The following RAB13 variants were observed in gnomAD, a reference collection of about 807,000 sequenced individuals.
RAB13 encodes the protein ras-related protein Rab-13.
In RAB13, 15 loss-of-function variants were observed where a neutral mutation model predicts 29.3. The observed-to-expected ratio is 0.51, with a 90% CI of 0.34 to 0.79. The LOEUF (loss-of-function observed/expected upper bound fraction) is 0.79, where lower values mean the gene tolerates loss of function less well. Ranked by LOEUF, RAB13 falls within the 30% of genes least tolerant of loss-of-function variation. The probability of loss-of-function intolerance (pLI) is 0.01; values close to 1 mark genes in which losing one functional copy is unlikely to be tolerated. For synonymous variants in RAB13, 82 were observed against 93.8 expected, an observed-to-expected ratio of 0.87 and a Z score of 0.73; for missense variants, 186 against 255.5, an observed-to-expected ratio of 0.73 and a Z score of 1.85.
At chr1:153,986,092 G>A (rs745538502) in intron 1 of RAB13, 21 bp downstream of exon 1, 1 of 1,612,770 alleles carries the variant, frequency 6.2e-7, no homozygotes, top group Admixed American at 1.7e-5. Flanking sequence ...TCGGGGTCTG[G>A]GACATGGCCA....
upstream of RAB13, among the ~76,000 whole-genome samples, chr1:153,988,658 G>A (rs1252422721): frequency 6.7e-6 from 1 of 149,230 alleles, no homozygotes; most frequent in Non-Finnish European, 1.5e-5. Context: ...TTGTTGCGTA[G>A]GCTGGGGTGC....
upstream of RAB13, among the ~76,000 whole-genome samples, chr1:153,990,589 A>G (rs537689246): frequency 6.6e-6 from 1 of 152,328 alleles, no homozygotes; most frequent in South Asian, 2.1e-4. Flanking sequence ...CCCTCTCAAC[A>G]TGGTGACGCA....
Position 153,981,866 on chromosome 1 carries a change from C to T in RAB13, c.*233G>A, listed in dbSNP as rs1385859323. On this transcript the variant is annotated 3_prime_UTR_variant, in exon 8 of 8. Transcript: ENST00000368575. Reference sequence around the variant, plus strand: ...CTCTCCTTCCTTTCCTCCTCCCTCTCTTCCTACCTCCTTGCCTTCTTTCAC... The same window carrying T: ...CTCTCCTTCCTTTCCTCCTCCCTCTTTTCCTACCTCCTTGCCTTCTTTCAC... 2 of 582,114 alleles carry T rather than the reference C, an allele frequency of 3.4e-6. No individual in the cohort carries two copies. The highest frequency in any genetic ancestry group is 3.7e-5 in the African/African-American group (2 of 53,532). The allele number at this position is 582,114 out of a possible 1,614,324, so 36.1% of individuals were successfully genotyped here.
At chr1:153,989,411 G>A (rs1365779471), upstream of RAB13, among the ~76,000 whole-genome samples, 4 of 150,256 alleles carry the variant, frequency 2.7e-5, no homozygotes, top group Non-Finnish European at 5.9e-5. Context: ...CACCGCGCCC[G>A]GCTAATTTTT....
In RAB13 at chr1:153,982,865, G is replaced by A. The variant is rs1264028825; in HGVS notation, c.325-57C>T. On this transcript the variant is annotated intron_variant, in intron 4 of 7. Coordinates refer to ENST00000368575, the MANE Select transcript of RAB13 (RefSeq NM_002870.5). Reference sequence around the variant, plus strand: ...CTGCCGGCTGGGAGCGGTGGCTCACGCCTGTAATCCCAGCACTTTGGGAGG... The same window carrying A: ...CTGCCGGCTGGGAGCGGTGGCTCACACCTGTAATCCCAGCACTTTGGGAGG... The A allele has an allele frequency of 2.1e-5, 33 of 1,558,438 alleles. No individual in the cohort carries two copies. The Middle Eastern group carries it at 5.0e-4, about 24-fold the overall frequency.
upstream of RAB13, among the ~76,000 whole-genome samples, chr1:153,990,124 G>A (rs1176565822): frequency 3.3e-5 from 5 of 152,184 alleles, no homozygotes; most frequent in East Asian, 1.9e-4. Flanking sequence ...CACCCAGGCT[G>A]GAGTGGATCT....
intron 1 of RAB13, chr1:153,985,259 A>G: frequency 1.0e-6 from 1 of 986,624 alleles, no homozygotes; most frequent in Non-Finnish European, 1.2e-6. Context: ...TGGCACTAGG[A>G]AAGTCTGAGG....
intron 4 of RAB13, 85 bp from the exon 5 acceptor site, chr1:153,982,893 A>C (rs1571127627): frequency 7.6e-7 from 1 of 1,321,338 alleles, no homozygotes; most frequent in Admixed American, 1.8e-5. Flanking sequence ...TTGGGAGGCC[A>C]AGGCGGGTGG....
upstream of RAB13, among the ~76,000 whole-genome samples, chr1:153,986,838 T>C (rs1465716774): frequency 1.3e-5 from 2 of 152,208 alleles, no homozygotes; most frequent in Non-Finnish European, 2.9e-5. Context: ...CCCTTAGTTC[T>C]ATGGGTCCCA....
In RAB13 at chr1:153,982,258, C is replaced by G; in HGVS notation, c.535-82G>C. 14 of 1,513,908 alleles carry G rather than the reference C, an allele frequency of 9.2e-6. No individual in the cohort carries two copies. The South Asian group carries it at 1.5e-4, about 16-fold the overall frequency. The allele number at this position is 1,513,908 out of a possible 1,614,324, so 93.8% of individuals were successfully genotyped here. On this transcript the variant is annotated intron_variant, in intron 7 of 7. Transcript: ENST00000368575. ...TATAAACTGTTTAAAGTAAATCCAC[C>G]CTCATGAGAAATCTTAGCATTGCTC...
chr1:153,984,593 G>C (rs1483344759), intron 2 of RAB13, 128 bp downstream of exon 2: 1 of 779,844 alleles, frequency 1.3e-6, no homozygotes, highest in Non-Finnish European at 2.1e-6. Flanking sequence ...AGAAATGCCA[G>C]AAGTGCTCCT....
In RAB13 at chr1:153,982,781, A is replaced by C. The variant is rs748391066; in HGVS notation, c.352T>G (p.Leu118Val). 1 of 1,614,116 alleles carries C rather than the reference A, an allele frequency of 6.2e-7. No individual in the cohort carries two copies. Reference sequence around the variant, plus strand: ...TCCATGTCACATTTGTTCCCCAGCAAGAGGCGCTCCACCCCAGCCGAGGCA... The same window carrying C: ...TCCATGTCACATTTGTTCCCCAGCACGAGGCGCTCCACCCCAGCCGAGGCA... ...ENASAGVERL[L>V]LGNKCDMEAK... Residue 118 changes from leucine (L) to valine (V), a missense_variant, in exon 5 of 8, where the codon TTG (leucine) becomes GTG (valine). By Grantham distance (32) the Leu-to-Val change is conservative. Transcript: ENST00000368575.
upstream of RAB13, among the ~76,000 whole-genome samples, chr1:153,988,937 T>C (rs1000509046): frequency 5.4e-5 from 8 of 148,328 alleles, 1 homozygote; most frequent in Non-Finnish European, 1.1e-4. Context: ...ATTTTATTTT[T>C]TGAGACAAAG....
At chr1:153,989,087 AT>A (rs778109310), upstream of RAB13, among the ~76,000 whole-genome samples, 578 of 96,384 alleles carry the variant, frequency 6.0e-3, 5 homozygotes, top group African/African-American at 0.018. Context: ...GCCCAGCTAA[AT>A]TTTTTTTTTT....
upstream of RAB13, among the ~76,000 whole-genome samples, chr1:153,988,558 T>A (rs1649254902): frequency 6.7e-6 from 1 of 149,830 alleles, no homozygotes; most frequent in Non-Finnish European, 1.5e-5. Flanking sequence ...CCCAAAGTGC[T>A]GGGTTTACAG....
Position 153,981,882 on chromosome 1 carries a change from C to T in RAB13, c.*217G>A. 1.7e-6 allele frequency: 1 copy of T among 590,008 alleles called. No individual in the cohort carries two copies. The highest frequency in any genetic ancestry group is 3.0e-6 in the Non-Finnish European group (1 of 328,436). The allele number at this position is 590,008 out of a possible 1,614,324, so 36.5% of individuals were successfully genotyped here. On this transcript the variant is annotated 3_prime_UTR_variant, in exon 8 of 8. Coordinates refer to ENST00000368575, the MANE Select transcript of RAB13 (RefSeq NM_002870.5). Reference sequence around the variant, plus strand: ...CCTCCCTCTCTTCCTACCTCCTTGCCTTCTTTCACTTCCTCAATTCATTCC... The same window carrying T: ...CCTCCCTCTCTTCCTACCTCCTTGCTTTCTTTCACTTCCTCAATTCATTCC...
chr1:153,982,256 A>T (rs1649000627), intron 7 of RAB13, 80 bp from the exon 8 acceptor site: 1 of 1,516,068 alleles, frequency 6.6e-7, no homozygotes, highest in Non-Finnish European at 9.2e-7. Context: ...AAGTAAATCC[A>T]CCCTCATGAG....
upstream of RAB13, among the ~76,000 whole-genome samples, chr1:153,989,752 C>A (rs1649296294): frequency 6.6e-6 from 1 of 151,618 alleles, no homozygotes; most frequent in East Asian, 2.0e-4. Context: ...ATTAGCCGGG[C>A]ATGGTGCCGC....
At chr1:153,984,435 C>T (rs965424355) in intron 2 of RAB13, among the ~76,000 whole-genome samples, 1 of 152,170 alleles carries the variant, frequency 6.6e-6, no homozygotes, top group Non-Finnish European at 1.5e-5. Flanking sequence ...TTTAACTGCT[C>T]ACAGCCTGTT....
Sources: allele counts gnomAD v4.1 joint callset (sites outside exome capture counted in the v4.1 genomes callset), GRCh38; gene constraint gnomAD v4.1.1; transcripts MANE v1.5; gene names NCBI Gene and HGNC (gene_info 2026-07-23, HGNC 2026-07-21).